USP12: variants seen among roughly 807,000 people sequenced by gnomAD.
The protein encoded by USP12 is ubiquitin carboxyl-terminal hydrolase 12.
USP12 carries 19 observed loss-of-function variants against 45.5 expected under a neutral mutation model. That is an observed-to-expected ratio of 0.42 (90% confidence interval 0.29 to 0.61). The LOEUF is 0.61. USP12 is among the 20% of genes least tolerant of loss of function. USP12 has a pLI of 0.22. For missense variants in USP12, 242 were observed against 447.7 expected (o/e 0.54, Z 4.15); for synonymous variants, 149 against 148.8 (o/e 1.00, Z -0.01).
Position 27,095,820 on chromosome 13 carries a change from G to T in USP12, c.354C>A (p.Asp118Glu). The part of the protein sequence containing the change: ...TRLRKENELF[D>E]NYMQQDAHEF... ...CATGGGCATCTTGTTGCATGTAGTT[G>T]TCAAAAAGCTCTGAAAATAAAAACA... is the stretch of plus-strand genomic sequence containing the variant. The change falls in exon 4 of 9, where the codon GAC becomes GAA. Residue 118 changes from aspartate to glutamate, a missense_variant. This residue lies in a region of USP12 where 77 missense variants were observed against 153.7 expected (regional missense o/e 0.50). Coordinates refer to ENST00000282344, the MANE Select transcript of USP12 (RefSeq NM_182488.4). 1 of 1,586,982 alleles carries T rather than the reference G, an allele frequency of 6.3e-7. No homozygotes were observed. The highest frequency in any genetic ancestry group is 8.5e-7 in the Non-Finnish European group (1 of 1,170,310).
Position 27,171,762 on chromosome 13 carries a change from C to T in USP12, c.-123G>A. The T allele has an allele frequency of 6.4e-6, 3 of 472,026 alleles. No individual in the cohort carries two copies. The highest frequency in any genetic ancestry group is 5.7e-6 in the Non-Finnish European group (2 of 353,644). The allele number at this position is 472,026 out of a possible 1,614,324, so 29.2% of individuals were successfully genotyped here. ...CCCGAGCCGCCGCGGACCCAACCAC[C>T]GAGCCCGCTGGGCCGCCGCTGCCGT... is the stretch of plus-strand genomic sequence containing the variant. On this transcript the variant is annotated 5_prime_UTR_variant, in exon 1 of 9. Transcript: ENST00000282344.
chr13:27,102,309 A>G (rs1213063401), intron 3 of USP12, among the ~76,000 whole-genome samples: 1 of 152,172 alleles, frequency 6.6e-6, no homozygotes, highest in African/African-American at 2.4e-5. Flanking sequence ...CTGTAAAGAG[A>G]GGACTCCATT....
At position 27,069,108 on chromosome 13, in the gene USP12, TACCATGATC is replaced by T. The variant is rs1873121163; in HGVS notation, c.*166_*174del. The T allele has an allele frequency of 7.9e-6, 5 of 630,538 alleles. No individual in the cohort carries two copies. In the Admixed American group the frequency reaches 1.4e-4, roughly 18 times the overall value. The allele number at this position is 630,538 out of a possible 1,614,324, so 39.1% of individuals were successfully genotyped here. Reference sequence around the variant, plus strand: ...ATGATACCTGAGCAAATAAATCAACTACCATGATCGGAAGGGCTTGTCAATCCATCGTCT... The same window carrying T: ...ATGATACCTGAGCAAATAAATCAACTGGAAGGGCTTGTCAATCCATCGTCT... On this transcript the variant is annotated 3_prime_UTR_variant, in exon 9 of 9. Coordinates refer to ENST00000282344, the MANE Select transcript of USP12 (RefSeq NM_182488.4).
intron 1 of USP12, among the ~76,000 whole-genome samples, chr13:27,137,508 G>A (rs1170035): frequency 0.036 from 5,555 of 152,202 alleles, 345 homozygotes; most frequent in African/African-American, 0.13. Flanking sequence ...TAAATAGATA[G>A]ATGTATACTT....
chr13:27,087,099 C>CTGTGTGTG lies in USP12; in HGVS notation c.734+2776_734+2783dup, dbSNP rs72206222. On this transcript the variant is annotated intron_variant, in intron 6 of 8. Coordinates refer to ENST00000282344, the MANE Select transcript of USP12 (RefSeq NM_182488.4). ...GGAAGTCAAAGCAGAGGGGAAGGGG[C>CTGTGTGTG]TGTGTGTGTGTGTGTGTGTGTGTGC... 2.1e-3 allele frequency among the ~76,000 whole-genome samples: 307 copies of CTGTGTGTG among 147,150 alleles called. 1 individual carries two copies. Among genetic ancestry groups the CTGTGTGTG allele is most frequent in the South Asian group, 0.011 (50 of 4,598 alleles).
chr13:27,160,060 T>C (rs1237793064), intron 1 of USP12, among the ~76,000 whole-genome samples: 1 of 152,184 alleles, frequency 6.6e-6, no homozygotes, highest in Non-Finnish European at 1.5e-5. Context: ...CTGTGCAGTC[T>C]TTAAAGAACG....
chr13:27,136,949 G>C (rs1593202516), intron 1 of USP12, among the ~76,000 whole-genome samples: 2 of 152,226 alleles, frequency 1.3e-5, no homozygotes, highest in South Asian at 2.1e-4. Flanking sequence ...AGGTGCTTGG[G>C]GGTACATAAT....
chr13:27,070,952 G>C (rs1006169858), intron 8 of USP12, 119 bp downstream of exon 8: 2 of 816,442 alleles, frequency 2.4e-6, no homozygotes, highest in African/African-American at 3.5e-5. Flanking sequence ...ACAATCTATA[G>C]ACCCAGACAT....
intron 1 of USP12, among the ~76,000 whole-genome samples, chr13:27,162,022 C>G (rs568284830): frequency 6.6e-6 from 1 of 152,288 alleles, no homozygotes; most frequent in South Asian, 2.1e-4. Context: ...GAAATGACTA[C>G]GCTTTGTCAA....
intron 4 of USP12, among the ~76,000 whole-genome samples, chr13:27,094,628 G>A (rs1214053144): frequency 6.6e-6 from 1 of 151,814 alleles, no homozygotes; most frequent in African/African-American, 2.4e-5. Context: ...AACACAACAT[G>A]AATGATATAT....
chr13:27,124,709 G>A (rs1466876966), intron 1 of USP12, among the ~76,000 whole-genome samples: 2 of 152,204 alleles, frequency 1.3e-5, no homozygotes, highest in Admixed American at 1.3e-4. Flanking sequence ...GTGACGGTGT[G>A]AAGGTATAAA....
At chr13:27,118,702 A>G (rs1475904078) in intron 1 of USP12, among the ~76,000 whole-genome samples, 2 of 152,206 alleles carry the variant, frequency 1.3e-5, no homozygotes, top group African/African-American at 2.4e-5. Flanking sequence ...AGGTGCCATC[A>G]ACCAAAATAC....
intron 1 of USP12, among the ~76,000 whole-genome samples, chr13:27,142,267 T>C (rs1485845005): frequency 6.6e-6 from 1 of 152,078 alleles, no homozygotes. Context: ...TGAGGAACGG[T>C]ATACCAAACA....
intron 1 of USP12, among the ~76,000 whole-genome samples, chr13:27,117,059 A>C (rs995724786): frequency 3.3e-5 from 5 of 152,354 alleles, no homozygotes; most frequent in Admixed American, 6.5e-5. Flanking sequence ...TGTAAAAAAA[A>C]CTATCTGTGA....
At chr13:27,118,761 C>T (rs1377285288) in intron 1 of USP12, among the ~76,000 whole-genome samples, 2 of 152,178 alleles carry the variant, frequency 1.3e-5, no homozygotes, top group African/African-American at 2.4e-5. Context: ...AGTCCATACA[C>T]CTTAGGAAGG....
In USP12 at chr13:27,067,429, A is replaced by AT. The variant is rs1873048605; in HGVS notation, c.*1853dup. 6.6e-6 allele frequency: 1 copy of AT among 152,240 alleles called. No individual in the cohort carries two copies. Among genetic ancestry groups the AT allele is most frequent in the South Asian group, 2.1e-4 (1 of 4,834 alleles). The allele number at this position is 152,240 out of a possible 1,614,324, so 9.4% of individuals were successfully genotyped here. ...ATGTTGGTAGATCAGGCTGGCTTAT[A>AT]TATAATTTGTACAAAACACCTCTAG... On this transcript the variant is annotated 3_prime_UTR_variant, in exon 9 of 9. Coordinates refer to ENST00000282344, the MANE Select transcript of USP12 (RefSeq NM_182488.4).
At chr13:27,080,649 C>A (rs940299230) in intron 6 of USP12, among the ~76,000 whole-genome samples, 2 of 152,126 alleles carry the variant, frequency 1.3e-5, no homozygotes, top group African/African-American at 4.8e-5. Context: ...TCATTGGATC[C>A]CACAGAGTAG....
chr13:27,105,653 C>T (rs1320239099), intron 3 of USP12, 78 bp downstream of exon 3: 1 of 1,350,606 alleles, frequency 7.4e-7, no homozygotes, highest in Non-Finnish European at 1.0e-6. Context: ...ACAGATGATG[C>T]TCAGTAAGTG....
chr13:27,151,208 G>C (rs546778311), intron 1 of USP12, among the ~76,000 whole-genome samples: 1 of 152,042 alleles, frequency 6.6e-6, no homozygotes, highest in East Asian at 1.9e-4. Context: ...GCGCGCAATT[G>C]TAATCCCAGC....
Sources: allele counts gnomAD v4.1 joint callset (sites outside exome capture counted in the v4.1 genomes callset), GRCh38; gene constraint gnomAD v4.1.1; regional missense constraint gnomAD v4.1.1; transcripts MANE v1.5; gene names NCBI Gene and HGNC (gene_info 2026-07-23, HGNC 2026-07-21).